The following NCOA7 variants were observed in gnomAD, a reference collection of about 807,000 sequenced individuals.
NCOA7 encodes the protein nuclear receptor coactivator 7.
In NCOA7, 45 loss-of-function variants were observed where a neutral mutation model predicts 104.3. The ratio of observed to expected loss-of-function variants is 0.43; its 90% CI spans 0.34 to 0.55. The LOEUF (loss-of-function observed/expected upper bound fraction) is 0.55. NCOA7 is among the 20% of genes least tolerant of loss of function. The pLI, the probability that NCOA7 is intolerant of heterozygous loss-of-function variation, is 0.02. For synonymous variants in NCOA7, 398 were observed against 402.3 expected (o/e 0.99, Z 0.13); for missense variants, 1,041 against 1,119.7 (o/e 0.93, Z 1.00).
At chr6:125,810,642 C>T (rs1002042303) in intron 1 of NCOA7, among the ~76,000 whole-genome samples, 6 of 152,264 alleles carry the variant, frequency 3.9e-5, no homozygotes, top group African/African-American at 1.4e-4. Flanking sequence ...CCATTAGAGA[C>T]TGATTTAAGG....
At chr6:125,804,296 C>T (rs1047228271) in intron 1 of NCOA7, among the ~76,000 whole-genome samples, 2 of 152,160 alleles carry the variant, frequency 1.3e-5, no homozygotes, top group Non-Finnish European at 2.9e-5. Context: ...ATTGATGCTA[C>T]TTGGAGCCTA....
chr6:125,855,453 A>G (rs758851408), intron 3 of NCOA7: 8 of 483,396 alleles, frequency 1.7e-5, no homozygotes, highest in Admixed American at 3.6e-5. Context: ...CATTTAGCAC[A>G]GTGCCCAGAA....
At chr6:125,901,540 G>T (rs576441810) in intron 10 of NCOA7, among the ~76,000 whole-genome samples, 6 of 152,348 alleles carry the variant, frequency 3.9e-5, no homozygotes, top group African/African-American at 9.6e-5. Context: ...GGGTACAGGA[G>T]CTGGGGCGGG....
chr6:125,925,947 A>G (rs919709793), intron 13 of NCOA7, among the ~76,000 whole-genome samples: 3 of 152,232 alleles, frequency 2.0e-5, no homozygotes, highest in Non-Finnish European at 2.9e-5. Flanking sequence ...GATCTAACAA[A>G]ATTAACAGTA....
chr6:125,823,150 T>A (rs993113195), intron 2 of NCOA7, among the ~76,000 whole-genome samples: 5 of 152,190 alleles, frequency 3.3e-5, no homozygotes, highest in Non-Finnish European at 7.3e-5. Flanking sequence ...AGCTCTTATT[T>A]GTTTATTGGT....
chr6:125,840,966 C>T (rs757224188), intron 2 of NCOA7, among the ~76,000 whole-genome samples: 2 of 129,830 alleles, frequency 1.5e-5, no homozygotes, highest in African/African-American at 5.9e-5. Flanking sequence ...GAACTTGGCT[C>T]ACTGCAACCT....
chr6:125,853,694 T>C (rs1341767630), intron 2 of NCOA7, among the ~76,000 whole-genome samples: 1 of 152,212 alleles, frequency 6.6e-6, no homozygotes, highest in Non-Finnish European at 1.5e-5. Flanking sequence ...TTTATGATTG[T>C]ATTAGGGGAT....
chr6:125,890,902 T>C (rs1292238959), intron 10 of NCOA7, 92 bp downstream of exon 10: 36 of 1,187,470 alleles, frequency 3.0e-5, no homozygotes, highest in Non-Finnish European at 4.0e-5. Context: ...ATTTTATTCT[T>C]GAATAAGAGC....
intron 8 of NCOA7, among the ~76,000 whole-genome samples, chr6:125,886,090 A>C (rs1308662969): frequency 6.6e-6 from 1 of 151,652 alleles, no homozygotes; most frequent in Non-Finnish European, 1.5e-5. Context: ...AACTTTAAAA[A>C]CCTTCAGTGA....
At position 125,855,053 on chromosome 6, in the gene NCOA7, A is replaced by G; in HGVS notation, c.84A>G (p.Ala28=). 1 of 1,610,484 alleles carries G rather than the reference A, an allele frequency of 6.2e-7. No homozygotes were observed. The change falls in exon 3 of 16, where the codon GCA becomes GCG. Residue 28 remains alanine (A), a synonymous_variant. Transcript: ENST00000392477. ...LKKKKQAKQN[A]ETASAVATRT... ...AGAAAAAACAAGCCAAACAAAATGC[A>G]GAGACAGCCTCAGCTGTAGCTACAA...
intron 1 of NCOA7, chr6:125,798,290 G>C (rs954384654): frequency 1.1e-4 from 16 of 152,210 alleles, no homozygotes; most frequent in African/African-American, 3.9e-4. Flanking sequence ...TTGGAATCCT[G>C]TTCCACCAGT....
intron 3 of NCOA7, among the ~76,000 whole-genome samples, chr6:125,862,779 A>G (rs1479876121): frequency 7.2e-6 from 1 of 138,654 alleles, no homozygotes; most frequent in East Asian, 2.1e-4. Flanking sequence ...CAAGGCAGGC[A>G]GATCACCTGA....
chr6:125,883,523 C>A (rs991178402), intron 7 of NCOA7, among the ~76,000 whole-genome samples: 3 of 152,088 alleles, frequency 2.0e-5, no homozygotes, highest in Non-Finnish European at 2.9e-5. Context: ...CTCCCCATTT[C>A]ACACTCTCCC....
chr6:125,835,973 A>G (rs1162678989), intron 2 of NCOA7, among the ~76,000 whole-genome samples: 2 of 152,200 alleles, frequency 1.3e-5, no homozygotes, highest in African/African-American at 4.8e-5. Flanking sequence ...CCATCATTGA[A>G]TGGATGATTT....
intron 10 of NCOA7, among the ~76,000 whole-genome samples, chr6:125,901,887 T>C (rs1337573394): frequency 6.6e-6 from 1 of 152,064 alleles, no homozygotes; most frequent in Non-Finnish European, 1.5e-5. Flanking sequence ...GGGAAGATAG[T>C]CTTCCCCTGG....
chr6:125,849,026 A>G (rs777037628), intron 2 of NCOA7, among the ~76,000 whole-genome samples: 4 of 152,168 alleles, frequency 2.6e-5, no homozygotes, highest in Non-Finnish European at 4.4e-5. Flanking sequence ...GGGCTCATTT[A>G]TCCATTAATT....
Position 125,878,286 on chromosome 6 carries a change from C to T in NCOA7, c.375C>T (p.Asn125=), listed in dbSNP as rs777507815. 12 of 1,611,566 alleles carry T rather than the reference C, an allele frequency of 7.4e-6. No homozygotes were observed. Among genetic ancestry groups the T allele is most frequent in the South Asian group, 1.1e-5 (1 of 90,560 alleles). The change falls in exon 5 of 16, where the codon AAC becomes AAT. Residue 125 remains asparagine (N), a synonymous_variant. Coordinates refer to ENST00000392477, the MANE Select transcript of NCOA7 (RefSeq NM_181782.5). ...EYTAGNQDTL[N]SIALKFNITP... Reference sequence around the variant, plus strand: ...AGGCTGGAAACCAGGACACCCTAAACTCCATAGCACTGAAATTTAACATCA... The same window carrying T: ...AGGCTGGAAACCAGGACACCCTAAATTCCATAGCACTGAAATTTAACATCA...
intron 2 of NCOA7, among the ~76,000 whole-genome samples, chr6:125,841,096 T>G (rs1780125026): frequency 6.6e-6 from 1 of 151,064 alleles, no homozygotes; most frequent in Non-Finnish European, 1.5e-5. Context: ...TTTCACTTTG[T>G]TGGCCAGGCT....
At chr6:125,850,999 C>T (rs915654426) in intron 2 of NCOA7, among the ~76,000 whole-genome samples, 2 of 152,094 alleles carry the variant, frequency 1.3e-5, no homozygotes, top group Admixed American at 1.3e-4. Context: ...CAACCTACTC[C>T]TTTACCAGAA....
Sources: gnomAD v4.1 joint callset for allele counts (sites outside exome capture counted in the v4.1 genomes callset) on GRCh38, gnomAD v4.1.1 for gene constraint, MANE v1.5 for transcripts, NCBI Gene and HGNC (gene_info 2026-07-23, HGNC 2026-07-21) for gene names.